The following TBCK variants were observed in gnomAD, a reference collection of about 807,000 sequenced individuals.
TBCK encodes TBC domain-containing protein kinase-like protein.
In TBCK, 99 loss-of-function variants were observed where a neutral mutation model predicts 113.4. The ratio of observed to expected loss-of-function variants is 0.87; its 90% CI spans 0.74 to 1.03. TBCK has a LOEUF of 1.03. Ranked by LOEUF, TBCK falls within the 50% of genes least tolerant of loss-of-function variation. The probability of loss-of-function intolerance (pLI) is 0.00; values close to 1 mark genes in which losing one functional copy is unlikely to be tolerated. For synonymous variants in TBCK, 369 were observed against 370.8 expected (o/e 1.00, Z 0.05); for missense variants, 1,045 against 1,061.3 (o/e 0.98, Z 0.21).
At chr4:106,188,641 G>T (rs745651046) in intron 22 of TBCK, among the ~76,000 whole-genome samples, 4 of 152,114 alleles carry the variant, frequency 2.6e-5, no homozygotes, top group Non-Finnish European at 5.9e-5. Flanking sequence ...TTGACAATTT[G>T]GGACCAGGTT....
At chr4:106,145,621 C>A (rs951241460) in intron 23 of TBCK, among the ~76,000 whole-genome samples, 1 of 152,128 alleles carries the variant, frequency 6.6e-6, no homozygotes, top group African/African-American at 2.4e-5. Flanking sequence ...TGTGCGAAAA[C>A]ATGATCTAGA....
chr4:106,150,855 CT>C (rs898166280), intron 23 of TBCK, among the ~76,000 whole-genome samples: 8 of 151,930 alleles, frequency 5.3e-5, no homozygotes, highest in African/African-American at 1.9e-4. Context: ...CTAGTATAAC[CT>C]TTTTTGTAGT....
chr4:106,108,951 T>C (rs1001731599), intron 24 of TBCK, among the ~76,000 whole-genome samples: 1 of 150,334 alleles, frequency 6.7e-6, no homozygotes, highest in Non-Finnish European at 1.5e-5. Flanking sequence ...AGCATTCCTA[T>C]ACACCAACGA....
chr4:106,284,689 C>G (rs763466077), intron 3 of TBCK, among the ~76,000 whole-genome samples: 2 of 152,140 alleles, frequency 1.3e-5, no homozygotes, highest in Non-Finnish European at 2.9e-5. Context: ...TTTGCTGATA[C>G]TTTCATAGGT....
chr4:106,193,432 AC>A (rs1276556493), intron 22 of TBCK, among the ~76,000 whole-genome samples, 176 bp downstream of exon 22: 2 of 152,142 alleles, frequency 1.3e-5, no homozygotes, highest in Admixed American at 1.3e-4. Flanking sequence ...ATTTGTATTT[AC>A]AATGCTGGGT....
intron 25 of TBCK, among the ~76,000 whole-genome samples, chr4:106,063,291 T>G (rs1346635912): frequency 1.3e-5 from 2 of 152,016 alleles, no homozygotes; most frequent in Non-Finnish European, 2.9e-5. Context: ...TACTTGAAGC[T>G]GATAAAGGAT....
intron 2 of TBCK, among the ~76,000 whole-genome samples, chr4:106,299,733 T>C (rs988769224): frequency 6.6e-6 from 1 of 152,160 alleles, no homozygotes; most frequent in Non-Finnish European, 1.5e-5. Flanking sequence ...AAAAACAATA[T>C]AGTTTCACAG....
At chr4:106,130,579 T>C (rs1308945268) in intron 23 of TBCK, among the ~76,000 whole-genome samples, 1 of 138,628 alleles carries the variant, frequency 7.2e-6, no homozygotes, top group Non-Finnish European at 1.5e-5. Context: ...TGGACCACTT[T>C]TGCGCTAAAT....
intron 22 of TBCK, among the ~76,000 whole-genome samples, chr4:106,191,269 T>TG (rs1236500060): frequency 6.6e-6 from 1 of 152,164 alleles, no homozygotes; most frequent in African/African-American, 2.4e-5. Context: ...TTACAGAATC[T>TG]GGGGGAGTCC....
chr4:106,278,644 A>C (rs1764261757), intron 3 of TBCK, among the ~76,000 whole-genome samples: 1 of 151,658 alleles, frequency 6.6e-6, no homozygotes, highest in Non-Finnish European at 1.5e-5. Context: ...TCATTTCTCA[A>C]AGTCTTTAAA....
intron 2 of TBCK, among the ~76,000 whole-genome samples, chr4:106,297,391 C>G (rs1485390377): frequency 6.6e-6 from 1 of 152,178 alleles, no homozygotes; most frequent in Non-Finnish European, 1.5e-5. Context: ...AGTAATCTCC[C>G]CTTCTCAAAT....
intron 23 of TBCK, among the ~76,000 whole-genome samples, chr4:106,119,821 C>G: frequency 6.6e-6 from 1 of 152,018 alleles, no homozygotes; most frequent in Non-Finnish European, 1.5e-5. Context: ...ATAAAATAAT[C>G]TAATTTACTA....
intron 23 of TBCK, among the ~76,000 whole-genome samples, chr4:106,154,596 G>A (rs1054981783): frequency 2.0e-5 from 3 of 152,062 alleles, no homozygotes; most frequent in African/African-American, 7.2e-5. Context: ...GCAATAGTGA[G>A]TTCTTGTGTA....
intron 3 of TBCK, among the ~76,000 whole-genome samples, chr4:106,289,341 T>C (rs1308486089): frequency 6.6e-6 from 1 of 152,232 alleles, no homozygotes. Context: ...ATTAATAATT[T>C]AGCCTTTTTT....
At chr4:106,220,212 T>C (rs546563253) in intron 19 of TBCK, among the ~76,000 whole-genome samples, 3 of 152,298 alleles carry the variant, frequency 2.0e-5, no homozygotes, top group African/African-American at 7.2e-5. Flanking sequence ...AATTGAATCA[T>C]GGGAGCTGCT....
At chr4:106,142,202 AAAC>A (rs1747209690) in intron 23 of TBCK, among the ~76,000 whole-genome samples, 1 of 96,746 alleles carries the variant, frequency 1.0e-5, no homozygotes, top group Non-Finnish European at 2.7e-5. Context: ...TAGGATATCT[AAAC>A]AATAATCTAT....
chr4:106,225,833 A>C (rs1027441714), intron 19 of TBCK, among the ~76,000 whole-genome samples: 3 of 152,052 alleles, frequency 2.0e-5, no homozygotes, highest in Non-Finnish European at 4.4e-5. Context: ...ATTAAACAAG[A>C]CATTGTCTTG....
intron 10 of TBCK, among the ~76,000 whole-genome samples, chr4:106,245,228 G>C (rs867066725): frequency 7.2e-5 from 11 of 152,184 alleles, no homozygotes; most frequent in Non-Finnish European, 1.2e-4. Context: ...TCTGGAGACT[G>C]ACAAGGTTCT....
At chr4:106,121,263 A>G (rs1012997697) in intron 23 of TBCK, among the ~76,000 whole-genome samples, 1 of 151,520 alleles carries the variant, frequency 6.6e-6, no homozygotes, top group African/African-American at 2.4e-5. Flanking sequence ...AACAAAGATC[A>G]AAAGAGACAA....
Sources: gnomAD v4.1 joint callset for allele counts (sites outside exome capture counted in the v4.1 genomes callset) on GRCh38, gnomAD v4.1.1 for gene constraint, MANE v1.5 for transcripts, NCBI Gene and HGNC (gene_info 2026-07-23, HGNC 2026-07-21) for gene names.